ZSCAN25: variants seen among roughly 807,000 people sequenced by gnomAD.
The protein encoded by ZSCAN25 is zinc finger and SCAN domain-containing protein 25.
A neutral mutation model predicts 38.7 loss-of-function variants in ZSCAN25; 27 were observed. The observed-to-expected ratio is 0.70, with a 90% confidence interval of 0.51 to 0.96. The LOEUF (loss-of-function observed/expected upper bound fraction) is 0.96, where lower values mean the gene tolerates loss of function less well. Ranked by LOEUF, ZSCAN25 falls within the 40% of genes least tolerant of loss-of-function variation. The probability of loss-of-function intolerance (pLI) is 0.00; values close to 1 mark genes in which losing one functional copy is unlikely to be tolerated. For missense variants in ZSCAN25, 637 were observed against 705.9 expected (o/e 0.90, Z 1.11); for synonymous variants, 273 against 277.7 (o/e 0.98, Z 0.17).
the ZSCAN25 span, chr7:99,666,557 G>T: frequency 6.3e-7 from 1 of 1,592,928 alleles, no homozygotes; most frequent in African/African-American, 1.3e-5. Context: ...GCAGCTGGAA[G>T]GGCTCATGAC....
the ZSCAN25 span, chr7:99,652,386 T>A: frequency 1.9e-6 from 1 of 528,664 alleles, no homozygotes; most frequent in African/African-American, 1.9e-5. Flanking sequence ...GTTTCGTTTT[T>A]TCTAGTCTGT....
chr7:99,675,859 C>T, the ZSCAN25 span, among the ~76,000 whole-genome samples: 1 of 149,392 alleles, frequency 6.7e-6, no homozygotes, highest in Non-Finnish European at 1.5e-5. Flanking sequence ...ATATCATGCA[C>T]AGGTAATTTT....
the ZSCAN25 span, among the ~76,000 whole-genome samples, chr7:99,703,393 G>T: frequency 6.6e-6 from 1 of 152,160 alleles, no homozygotes; most frequent in Non-Finnish European, 1.5e-5. Flanking sequence ...AGACTTGGGC[G>T]CTAAGTGTGC....
chr7:99,629,083 G>C lies in ZSCAN25; in HGVS notation c.806-108G>C, dbSNP rs1307183830. The C allele has an allele frequency of 1.4e-5, 20 of 1,459,268 alleles. No homozygotes were observed. The highest frequency in any genetic ancestry group is 1.8e-5 in the Non-Finnish European group (20 of 1,092,280). 90.4% of individuals were successfully genotyped at this position (1,459,268 alleles called of 1,614,324 possible). ...GCCTGAGTTGAGGTTGTTGGTCAAA[G>C]GAAAAAAGAGAAGGAACCATGAATG... On this transcript the variant is annotated intron_variant, in intron 7 of 7. Transcript: ENST00000394152. The surrounding 1 kb of genome is among the most constrained non-coding windows in gnomAD (Gnocchi z 5.6).
the ZSCAN25 span, among the ~76,000 whole-genome samples, chr7:99,725,842 T>C: frequency 6.6e-6 from 1 of 152,150 alleles, no homozygotes; most frequent in South Asian, 2.1e-4. Context: ...GTGTAATCGA[T>C]AGGGGGGATA....
Position 99,629,956 on chromosome 7 carries a change from A to G in ZSCAN25, c.1571A>G (p.Asn524Ser). ...YHCPACGRSF[N>S]QRSILNRHQK... ...TGTCCTGCCTGCGGGCGAAGCTTCA[A>G]CCAGAGGTCCATCCTCAACCGGCAC... The change falls in exon 8 of 8, where the codon AAC becomes AGC. Residue 524 changes from asparagine (N) to serine (S), a missense_variant. Asn to Ser is a conservative substitution (Grantham distance 46). Transcript: ENST00000394152. The surrounding 1 kb of genome is among the most constrained non-coding windows in gnomAD (Gnocchi z 5.6). 2 of 1,611,982 alleles carry G rather than the reference A, an allele frequency of 1.2e-6. No homozygotes were observed. The highest frequency in any genetic ancestry group is 1.3e-5 in the African/African-American group (1 of 75,024).
At chr7:99,663,437 A>T in the ZSCAN25 span, 1 of 989,974 alleles carries the variant, frequency 1.0e-6, no homozygotes, top group Non-Finnish European at 1.2e-6. Flanking sequence ...CGTGAAGGCA[A>T]AGCTGAGTTA....
chr7:99,676,469 A>G, the ZSCAN25 span: 1 of 1,419,360 alleles, frequency 7.0e-7, no homozygotes, highest in Non-Finnish European at 9.4e-7. Flanking sequence ...TACTTGATAA[A>G]TGTCCTCAAA....
In ZSCAN25 at chr7:99,629,073, G is replaced by A. The variant is rs918940818; in HGVS notation, c.806-118G>A. The stretch of plus-strand genomic sequence containing the variant: ...AGTAAGGAAAGCCTGAGTTGAGGTT[G>A]TTGGTCAAAGGAAAAAAGAGAAGGA... On this transcript the variant is annotated intron_variant, in intron 7 of 7. Coordinates refer to ENST00000394152, the MANE Select transcript of ZSCAN25 (RefSeq NM_145115.3). This position sits in a 1 kb window ranked among gnomAD's most constrained non-coding sequence, Gnocchi z 5.6. 5 of 1,391,156 alleles carry A rather than the reference G, an allele frequency of 3.6e-6. No homozygotes were observed. The African/African-American group carries it at 7.2e-5, about 20-fold the overall frequency. 86.2% of individuals were successfully genotyped at this position (1,391,156 alleles called of 1,614,324 possible). A position where few individuals can be genotyped will look rare whatever the true frequency, so the allele number is the denominator to read the frequency against.
the ZSCAN25 span, among the ~76,000 whole-genome samples, chr7:99,651,492 C>T: frequency 2.0e-5 from 3 of 152,060 alleles, no homozygotes; most frequent in East Asian, 3.9e-4. Flanking sequence ...TTGCAGGAAA[C>T]ATAGAAGTCC....
At chr7:99,709,788 GTA>G in the ZSCAN25 span, among the ~76,000 whole-genome samples, 17 of 150,288 alleles carry the variant, frequency 1.1e-4, no homozygotes, top group African/African-American at 2.9e-4. Context: ...GTGTGTGTGT[GTA>G]TATATATATA....
intron 6 of ZSCAN25, 131 bp from the exon 7 acceptor site, chr7:99,623,926 T>C (rs1584354493): frequency 7.6e-7 from 1 of 1,322,276 alleles, no homozygotes; most frequent in East Asian, 2.3e-5. Flanking sequence ...CTGCAGTGGC[T>C]CAAACAAGTG....
chr7:99,644,721 G>A, the ZSCAN25 span, among the ~76,000 whole-genome samples: 1 of 152,162 alleles, frequency 6.6e-6, no homozygotes, highest in Non-Finnish European at 1.5e-5. Context: ...TAGGGATTAT[G>A]ATAGCCGATT....
In ZSCAN25 at chr7:99,630,889, A is replaced by G; in HGVS notation, c.*869A>G. The stretch of plus-strand genomic sequence containing the variant: ...TCTAGAAAGAACTGTTATAATTAAA[A>G]TGAGTCTGAAAGATGAACTCTAGTA... On this transcript the variant is annotated 3_prime_UTR_variant, in exon 8 of 8. Coordinates refer to ENST00000394152, the MANE Select transcript of ZSCAN25 (RefSeq NM_145115.3). 9.2e-6 allele frequency: 9 copies of G among 982,594 alleles called. No homozygotes were observed. Among genetic ancestry groups the G allele is most frequent in the Non-Finnish European group, 1.1e-5 (9 of 827,312 alleles). The allele number at this position is 982,594 out of a possible 1,614,324, so 60.9% of individuals were successfully genotyped here.
chr7:99,627,623 G>A (rs1807591686), intron 7 of ZSCAN25, among the ~76,000 whole-genome samples: 1 of 151,306 alleles, frequency 6.6e-6, no homozygotes, highest in South Asian at 2.1e-4. Context: ...AGGCAAAAAA[G>A]TCCAGACAAT....
the ZSCAN25 span, among the ~76,000 whole-genome samples, chr7:99,736,917 G>A: frequency 6.6e-6 from 1 of 152,142 alleles, no homozygotes; most frequent in Non-Finnish European, 1.5e-5. Flanking sequence ...TGAAGCAGGA[G>A]ACAAATAAAC....
the ZSCAN25 span, chr7:99,715,604 A>G: frequency 3.0e-6 from 4 of 1,342,566 alleles, no homozygotes; most frequent in East Asian, 9.9e-5. Flanking sequence ...AGTGTTTTAA[A>G]GTTTACAATG....
the ZSCAN25 span, among the ~76,000 whole-genome samples, chr7:99,651,014 A>C: frequency 6.6e-6 from 1 of 152,304 alleles, no homozygotes; most frequent in East Asian, 1.9e-4. Context: ...TAATAATGGC[A>C]TTGTTGTCAT....
chr7:99,713,510 A>G, the ZSCAN25 span: 1 of 1,613,456 alleles, frequency 6.2e-7, no homozygotes, highest in African/African-American at 1.3e-5. Flanking sequence ...AGAGTCAATC[A>G]TCAGCTGAAG....
Sources: gnomAD v4.1 joint callset for allele counts (sites outside exome capture counted in the v4.1 genomes callset) on GRCh38, gnomAD v4.1.1 for gene constraint, Gnocchi (gnomAD v3.1) non-coding constraint, MANE v1.5 for transcripts, NCBI Gene and HGNC (gene_info 2026-07-23, HGNC 2026-07-21) for gene names.